LRMDA: variants seen among roughly 807,000 people sequenced by gnomAD.
The protein encoded by LRMDA is leucine rich melanocyte differentiation associated, also known as leucine-rich melanocyte differentiation-associated protein.
A neutral mutation model predicts 29.8 loss-of-function variants in LRMDA; 18 were observed. That is an observed-to-expected ratio of 0.60 (90% confidence interval 0.42 to 0.90). The LOEUF (loss-of-function observed/expected upper bound fraction) is 0.90. Ranked by LOEUF, LRMDA falls within the 40% of genes least tolerant of loss-of-function variation. The pLI is 0.00. For synonymous variants in LRMDA, 125 were observed against 109.4 expected (o/e 1.14, Z -0.89); for missense variants, 273 against 273.9 (o/e 1.00, Z 0.02).
chr10:76,025,434 C>G (rs1399749332), intron 2 of LRMDA, among the ~76,000 whole-genome samples: 1 of 151,714 alleles, frequency 6.6e-6, no homozygotes, highest in East Asian at 1.9e-4. Flanking sequence ...CAGAGCTCAT[C>G]TTATCCATGC....
intron 2 of LRMDA, among the ~76,000 whole-genome samples, chr10:75,634,420 C>A (rs1841365228): frequency 6.6e-6 from 1 of 152,160 alleles, no homozygotes; most frequent in Non-Finnish European, 1.5e-5. Flanking sequence ...CCCCAAAATC[C>A]TTATCTCTGA....
chr10:76,429,049 C>G (rs1406382189), intron 6 of LRMDA, among the ~76,000 whole-genome samples: 1 of 149,912 alleles, frequency 6.7e-6, no homozygotes, highest in East Asian at 1.9e-4. Context: ...CAAACACACA[C>G]ACACACACAT....
chr10:76,449,257 A>G (rs1842382848), intron 6 of LRMDA, among the ~76,000 whole-genome samples: 1 of 151,862 alleles, frequency 6.6e-6, no homozygotes, highest in Non-Finnish European at 1.5e-5. Context: ...TGACAATTGT[A>G]TAATATTTTT....
At chr10:75,611,893 C>T (rs962920006) in intron 2 of LRMDA, among the ~76,000 whole-genome samples, 1 of 152,200 alleles carries the variant, frequency 6.6e-6, no homozygotes, top group African/African-American at 2.4e-5. Flanking sequence ...AAGGAGATTT[C>T]CTCTTGCCCT....
At chr10:76,209,253 G>A (rs151092025) in intron 5 of LRMDA, among the ~76,000 whole-genome samples, 39 of 152,228 alleles carry the variant, frequency 2.6e-4, no homozygotes, top group Middle Eastern at 3.4e-3. Context: ...AACAGACTGT[G>A]CTTCCGTGCC....
At chr10:76,205,869 C>A (rs189715016) in intron 5 of LRMDA, among the ~76,000 whole-genome samples, 5 of 152,128 alleles carry the variant, frequency 3.3e-5, no homozygotes, top group Admixed American at 2.6e-4. Context: ...AAAATGGGGT[C>A]TTTGGGCCAG....
intron 5 of LRMDA, among the ~76,000 whole-genome samples, chr10:76,251,023 T>C (rs147811576): frequency 9.9e-5 from 15 of 152,266 alleles, no homozygotes; most frequent in Admixed American, 1.3e-4. Context: ...CAAAACTACT[T>C]AATCTTCCCC....
At chr10:75,586,730 T>C (rs948660584) in intron 2 of LRMDA, among the ~76,000 whole-genome samples, 3 of 152,110 alleles carry the variant, frequency 2.0e-5, no homozygotes, top group Admixed American at 1.3e-4. Context: ...GTTAGTGACA[T>C]TGAGCATTTT....
At chr10:76,222,657 T>G (rs961914615) in intron 5 of LRMDA, among the ~76,000 whole-genome samples, 2 of 152,242 alleles carry the variant, frequency 1.3e-5, no homozygotes, top group Non-Finnish European at 2.9e-5. Flanking sequence ...GGAACACTTT[T>G]ACACTGTTGG....
intron 2 of LRMDA, among the ~76,000 whole-genome samples, chr10:75,701,906 A>T (rs1285150451): frequency 2.6e-5 from 4 of 152,088 alleles, no homozygotes; most frequent in Non-Finnish European, 4.4e-5. Flanking sequence ...TCTCCCTTAG[A>T]TTCTAATCGC....
At chr10:75,694,565 A>G (rs1276792537) in intron 2 of LRMDA, among the ~76,000 whole-genome samples, 1 of 152,162 alleles carries the variant, frequency 6.6e-6, no homozygotes, top group Non-Finnish European at 1.5e-5. Flanking sequence ...GGAATTCAAT[A>G]TGTATATGGA....
rs180786610 is a variant in LRMDA, at chr10:76,358,939, T to A, written c.601+34454T>A. ...TGAGCCCAGATGTTTGGCGTCCCGCTGGAACTGTGTGCTCTGCCTCCTGTC... is the reference window on the plus strand; with the variant it reads ...TGAGCCCAGATGTTTGGCGTCCCGCAGGAACTGTGTGCTCTGCCTCCTGTC... On this transcript the variant is annotated intron_variant, in intron 6 of 6. Coordinates refer to ENST00000611255, the MANE Select transcript of LRMDA (RefSeq NM_001305581.2). Among the ~76,000 whole-genome samples the A allele has an allele frequency of 3.3e-5, 5 of 152,320 alleles. No homozygotes were observed. The East Asian group carries it at 9.7e-4, about 29-fold the overall frequency.
intron 6 of LRMDA, among the ~76,000 whole-genome samples, chr10:76,419,015 C>T (rs1470378172): frequency 6.6e-6 from 1 of 152,040 alleles, no homozygotes; most frequent in Non-Finnish European, 1.5e-5. Context: ...ACTTGGACAG[C>T]CTTTCACACG....
At chr10:76,462,928 T>A (rs1842528045) in intron 6 of LRMDA, among the ~76,000 whole-genome samples, 1 of 152,208 alleles carries the variant, frequency 6.6e-6, no homozygotes, top group South Asian at 2.1e-4. Context: ...ACCTTACAAG[T>A]GCCTCATTCC....
intron 2 of LRMDA, among the ~76,000 whole-genome samples, chr10:75,776,749 A>G (rs1248777594): frequency 1.3e-5 from 2 of 152,174 alleles, no homozygotes; most frequent in Non-Finnish European, 2.9e-5. Flanking sequence ...ACCTGTTTAA[A>G]CCTTTCCACA....
At chr10:76,552,603 C>T (rs1843509370) in intron 6 of LRMDA, among the ~76,000 whole-genome samples, 1 of 152,206 alleles carries the variant, frequency 6.6e-6, no homozygotes, top group Non-Finnish European at 1.5e-5. Flanking sequence ...TAAAATGAAC[C>T]TCTGAGATTA....
At chr10:76,058,359 A>T (rs184806323) in intron 4 of LRMDA, among the ~76,000 whole-genome samples, 164 of 152,318 alleles carry the variant, frequency 1.1e-3, no homozygotes, top group African/African-American at 3.8e-3. Flanking sequence ...TCTAGACTGG[A>T]AGGAAGGGCA....
chr10:76,469,946 A>G (rs557274872), intron 6 of LRMDA, among the ~76,000 whole-genome samples: 56 of 152,158 alleles, frequency 3.7e-4, no homozygotes, highest in African/African-American at 1.3e-3. Flanking sequence ...TTAAACCAAC[A>G]ACTTCCCATC....
chr10:75,672,543 CCCCTCCCCTCCCCTCCCCTCCCCTT>C (rs1841907368), intron 2 of LRMDA, among the ~76,000 whole-genome samples: 14 of 8,082 alleles, frequency 1.7e-3, no homozygotes, highest in Non-Finnish European at 2.4e-3. Flanking sequence ...CCCCTCCCCT[CCCCTCCCCTCCCCTCCCCTCCCCTT>C]CCCTTCCCTT....
Sources: allele counts gnomAD v4.1 joint callset (sites outside exome capture counted in the v4.1 genomes callset), GRCh38; gene constraint gnomAD v4.1.1; transcripts MANE v1.5; gene names NCBI Gene and HGNC (gene_info 2026-07-23, HGNC 2026-07-21).